The following ECE1 variants were observed in gnomAD, a reference collection of about 807,000 sequenced individuals.
ECE1 encodes endothelin converting enzyme 1, also known as endothelin-converting enzyme 1.
In ECE1, 35 loss-of-function variants were observed where a neutral mutation model predicts 98.6. The observed-to-expected ratio is 0.35, with a 90% confidence interval of 0.27 to 0.47. The LOEUF (loss-of-function observed/expected upper bound fraction) is 0.47, where lower values mean the gene tolerates loss of function less well. Ranked by LOEUF, ECE1 falls within the 20% of genes least tolerant of loss-of-function variation. The pLI is 1.00. For missense variants in ECE1, 814 were observed against 1,025.3 expected, an observed-to-expected ratio of 0.79 and a Z score of 2.81; for synonymous variants, 394 against 407.1, an observed-to-expected ratio of 0.97 and a Z score of 0.39.
At position 21,225,634 on chromosome 1, in the gene ECE1, G is replaced by A. The variant is rs1033681195; in HGVS notation, c.1850-194C>T. ...GTCAGAGGCGGGAGAGGATGAAGGA[G>A]AGAAATCGGGAAAAGCTCCAGCGTG... is the stretch of plus-strand genomic sequence containing the variant. On this transcript the variant is annotated intron_variant, in intron 16 of 18. Transcript: ENST00000374893. This position sits in a 1 kb window ranked among gnomAD's most constrained non-coding sequence, Gnocchi z 5.3. Among the ~76,000 whole-genome samples, 1 of 152,072 alleles carries A rather than the reference G, an allele frequency of 6.6e-6. No homozygotes were observed. Among genetic ancestry groups the A allele is most frequent in the African/African-American group, 2.4e-5 (1 of 41,424 alleles).
At position 21,244,972 on chromosome 1, in the gene ECE1, CGCAGTAGCAG is replaced by C; in HGVS notation, c.1278+7_1278+16del. ...GGCGCTCAGCCCATATTCAGGCATA[CGCAGTAGCAG>C]GCTCACCTTCTTGGTCCCGTACATG... On this transcript the variant is annotated splice_region_variant and intron_variant, in intron 10 of 18. Coordinates refer to ENST00000374893, the MANE Select transcript of ECE1 (RefSeq NM_001397.3). The C allele has an allele frequency of 6.2e-7, 1 of 1,608,322 alleles. No homozygotes were observed. Among genetic ancestry groups the C allele is most frequent in the East Asian group, 2.2e-5 (1 of 44,844 alleles).
intron 10 of ECE1, 42 bp downstream of exon 10, chr1:21,244,947 G>A (rs765084435): frequency 6.3e-7 from 1 of 1,580,196 alleles, no homozygotes; most frequent in Non-Finnish European, 8.7e-7. Flanking sequence ...GCATAAAGTA[G>A]GCGCTCAGCC....
At chr1:21,300,250 G>A (rs1638454083) in intron 1 of ECE1, among the ~76,000 whole-genome samples, 1 of 152,234 alleles carries the variant, frequency 6.6e-6, no homozygotes, top group Non-Finnish European at 1.5e-5. Context: ...GGAGGCGGCT[G>A]AGAAGCAGGG....
At chr1:21,284,459 G>A (rs573199200) in intron 2 of ECE1, among the ~76,000 whole-genome samples, 1 of 152,324 alleles carries the variant, frequency 6.6e-6, no homozygotes, top group African/African-American at 2.4e-5. Flanking sequence ...AGAATGAGAA[G>A]GAGGGGGTGC....
At chr1:21,256,161 T>A (rs985079769) in intron 7 of ECE1, 23 bp from the exon 8 acceptor site, 1 of 1,585,278 alleles carries the variant, frequency 6.3e-7, no homozygotes, top group Admixed American at 1.7e-5. Flanking sequence ...TACCCCAAAC[T>A]GTCAGTGGCT....
intron 15 of ECE1, among the ~76,000 whole-genome samples, chr1:21,227,461 A>G (rs1487109033): frequency 1.3e-5 from 2 of 152,210 alleles, no homozygotes; most frequent in South Asian, 4.1e-4. Context: ...GCGCTGTGCT[A>G]GATGCTCTAC....
At chr1:21,335,197 C>T (rs541247899) in intron 1 of ECE1, among the ~76,000 whole-genome samples, 1 of 152,068 alleles carries the variant, frequency 6.6e-6, no homozygotes, top group Non-Finnish European at 1.5e-5. Flanking sequence ...CCGGCTGCCC[C>T]CTCCTCAACC....
At chr1:21,291,253 A>C (rs213046), upstream of ECE1, among the ~76,000 whole-genome samples, 16,081 of 152,230 alleles carry the variant, frequency 0.11, 1,167 homozygotes, top group East Asian at 0.43. Context: ...CAAGAACCCC[A>C]GAGAGGTCTA....
chr1:21,309,819 T>C (rs1309842223), intron 1 of ECE1, among the ~76,000 whole-genome samples: 1 of 141,264 alleles, frequency 7.1e-6, no homozygotes, highest in East Asian at 2.1e-4. Flanking sequence ...TGAGACGGAG[T>C]CTCGCTCTGT....
intron 1 of ECE1, among the ~76,000 whole-genome samples, chr1:21,312,887 G>A (rs1638758677): frequency 6.6e-6 from 1 of 151,890 alleles, no homozygotes; most frequent in Admixed American, 6.6e-5. Context: ...AATTAAAATA[G>A]TTCAAAGACA....
At chr1:21,290,637 T>G, upstream of ECE1, 1 of 994,132 alleles carries the variant, frequency 1.0e-6, no homozygotes, top group Non-Finnish European at 1.3e-6. The surrounding 1 kb of genome is among the most constrained non-coding windows in gnomAD (Gnocchi z 7.3). Context: ...CTGAAGCCCC[T>G]AGCAGGCAGG....
chr1:21,258,867 G>C lies in ECE1; in HGVS notation c.616-28C>G. On this transcript the variant is annotated intron_variant, in intron 5 of 18. Transcript: ENST00000374893. The surrounding 1 kb of genome is among the most constrained non-coding windows in gnomAD (Gnocchi z 4.2). ...GTGGGGAGGGAGAGCAGGCAGGGAG[G>C]TGATGAGGTGGCGGGGAGACCCAGA... 6.2e-7 allele frequency: 1 copy of C among 1,613,778 alleles called. No homozygotes were observed. The highest frequency in any genetic ancestry group is 1.7e-4 in the Middle Eastern group (1 of 6,058).
intron 1 of ECE1, among the ~76,000 whole-genome samples, chr1:21,296,634 T>C (rs987490861): frequency 6.6e-6 from 1 of 152,234 alleles, no homozygotes; most frequent in South Asian, 2.1e-4. Flanking sequence ...ACAATCACCA[T>C]GTGGGATAAG....
At chr1:21,336,129 CCAG>C (rs1379717938) in intron 1 of ECE1, among the ~76,000 whole-genome samples, 1 of 152,220 alleles carries the variant, frequency 6.6e-6, no homozygotes, top group Non-Finnish European at 1.5e-5. Flanking sequence ...ACCTGTAATC[CCAG>C]CACCATGGAA....
At chr1:21,248,394 G>A (rs1315027425) in intron 8 of ECE1, among the ~76,000 whole-genome samples, 1 of 152,158 alleles carries the variant, frequency 6.6e-6, no homozygotes, top group Non-Finnish European at 1.5e-5. Flanking sequence ...GGCTGGCCTT[G>A]AACTCCTGAC....
chr1:21,281,470 A>G (rs757822711), intron 2 of ECE1, among the ~76,000 whole-genome samples: 1 of 152,214 alleles, frequency 6.6e-6, no homozygotes, highest in Non-Finnish European at 1.5e-5. Flanking sequence ...ATGTTTATAA[A>G]GTGCTTTTTC....
rs766178956 is a variant in ECE1, at chr1:21,227,891, G to A, written c.1781+40C>T. 8.0e-6 allele frequency: 12 copies of A among 1,505,336 alleles called. No individual in the cohort carries two copies. The African/African-American group carries it at 1.5e-4, about 19-fold the overall frequency. The allele number at this position is 1,505,336 out of a possible 1,614,324, so 93.2% of individuals were successfully genotyped here. ...TCGTATGGGCCCCAGGGCTGGGCTG[G>A]GGGAAAAGAATTGGGGTAGGGGCCC... On this transcript the variant is annotated intron_variant, in intron 15 of 18. Coordinates refer to ENST00000374893, the MANE Select transcript of ECE1 (RefSeq NM_001397.3).
chr1:21,295,626 A>T (rs1030156194), intron 1 of ECE1, among the ~76,000 whole-genome samples: 6 of 152,228 alleles, frequency 3.9e-5, no homozygotes, highest in African/African-American at 1.4e-4. Flanking sequence ...ACTCATAGCC[A>T]AATCAGAAAC....
intron 3 of ECE1, among the ~76,000 whole-genome samples, chr1:21,277,079 G>C (rs2098248158): frequency 6.6e-6 from 1 of 152,110 alleles, no homozygotes; most frequent in African/African-American, 2.4e-5. Flanking sequence ...CCTGCTCCTG[G>C]GTAATGAGGT....
Sources: allele counts gnomAD v4.1 joint callset (sites outside exome capture counted in the v4.1 genomes callset), GRCh38; gene constraint gnomAD v4.1.1; non-coding constraint Gnocchi (gnomAD v3.1); transcripts MANE v1.5; gene names NCBI Gene and HGNC (gene_info 2026-07-23, HGNC 2026-07-21).